The following RAI14 variants were observed in gnomAD, a reference collection of about 807,000 sequenced individuals.
The protein encoded by RAI14 is retinoic acid induced 14, also known as ankycorbin.
Under a neutral mutation model 115.4 loss-of-function variants are expected in RAI14, and 45 were observed. The ratio of observed to expected loss-of-function variants is 0.39; its 90% CI spans 0.31 to 0.50. The LOEUF (loss-of-function observed/expected upper bound fraction) is 0.50, where lower values mean the gene tolerates loss of function less well. Ranked by LOEUF, RAI14 falls within the 20% of genes least tolerant of loss-of-function variation. The pLI, the probability that RAI14 is intolerant of heterozygous loss-of-function variation, is 0.85. For synonymous variants in RAI14, 371 were observed against 415.4 expected (o/e 0.89, Z 1.30); for missense variants, 939 against 1,131.2 (o/e 0.83, Z 2.44).
intron 11 of RAI14, 98 bp downstream of exon 11, chr5:34,813,758 C>A (rs925560546): frequency 2.3e-5 from 18 of 790,518 alleles, no homozygotes; most frequent in Middle Eastern, 2.4e-4. Flanking sequence ...TTAGAACTGA[C>A]CTTTAAGTGC....
At position 34,812,116 on chromosome 5, in the gene RAI14, C is replaced by CA. The variant is rs1755674407; in HGVS notation, c.737-63dup. On this transcript the variant is annotated intron_variant, in intron 9 of 17. Transcript: ENST00000265109. The stretch of plus-strand genomic sequence containing the variant: ...TATGGTGTATGTGTGTGTATCCCCC[C>CA]ACCCAAAGTGAATATGAATCATTAT... 8 of 1,443,800 alleles carry CA rather than the reference C, an allele frequency of 5.5e-6. 1 individual carries two copies. In the South Asian group the frequency reaches 9.8e-5, roughly 18 times the overall value. 89.4% of individuals were successfully genotyped at this position (1,443,800 alleles called of 1,614,324 possible). A position where few individuals can be genotyped will look rare whatever the true frequency, so the allele number is the denominator to read the frequency against.
At chr5:34,800,859 A>C (rs955393138) in intron 4 of RAI14, among the ~76,000 whole-genome samples, 1 of 152,214 alleles carries the variant, frequency 6.6e-6, no homozygotes, top group African/African-American at 2.4e-5. Flanking sequence ...TGTTCACAGC[A>C]GGGACAAGTT....
intron 2 of RAI14, 33 bp downstream of exon 2, chr5:34,686,988 C>G (rs528927332): frequency 6.2e-7 from 1 of 1,612,164 alleles, no homozygotes; most frequent in East Asian, 2.2e-5. Flanking sequence ...TCTGGCTGTT[C>G]CTTCTTCTCC....
chr5:34,690,057 C>T (rs912378790), intron 2 of RAI14, among the ~76,000 whole-genome samples: 7 of 152,106 alleles, frequency 4.6e-5, no homozygotes, highest in Admixed American at 2.6e-4. Flanking sequence ...TTGCTGCTGC[C>T]GAACAGGGAA....
intron 5 of RAI14, among the ~76,000 whole-genome samples, chr5:34,803,991 T>C (rs573742776): frequency 6.6e-6 from 1 of 152,302 alleles, no homozygotes; most frequent in East Asian, 1.9e-4. Flanking sequence ...CTAATCAAAA[T>C]TGGAGTGTCT....
At position 34,783,220 on chromosome 5, in the gene RAI14, T is replaced by A. The variant is rs1451168565; in HGVS notation, c.168-12719T>A. Among the ~76,000 whole-genome samples the A allele has an allele frequency of 2.0e-5, 3 of 152,222 alleles. No individual in the cohort carries two copies. The East Asian group carries it at 5.8e-4, about 29-fold the overall frequency. On this transcript the variant is annotated intron_variant, in intron 3 of 17. Coordinates refer to ENST00000265109, the MANE Select transcript of RAI14 (RefSeq NM_015577.3). ...CTCATTGTGACTGGTTGTCCCGCTT[T>A]CCTCTGGTTTTCTTCTGCCATTTGT...
chr5:34,693,488 A>G (rs1738878466), intron 2 of RAI14, among the ~76,000 whole-genome samples: 1 of 152,240 alleles, frequency 6.6e-6, no homozygotes, highest in Non-Finnish European at 1.5e-5. Flanking sequence ...GTTCTCATGT[A>G]CTGAATGCTC....
intron 2 of RAI14, 133 bp downstream of exon 2, chr5:34,687,088 AG>A: frequency 1.2e-6 from 1 of 843,594 alleles, no homozygotes; most frequent in Non-Finnish European, 1.9e-6. Flanking sequence ...GCCCCAGCTC[AG>A]GGTAGCTTCT....
At position 34,762,501 on chromosome 5, in the gene RAI14, AT is replaced by A. The variant is rs372053872; in HGVS notation, c.167+4907del. ...GAAAGATGAGAATGCATGCCAGGAA[AT>A]TTTCTTCCTCTAAGACTGATCAAAG... On this transcript the variant is annotated intron_variant, in intron 3 of 17. Coordinates refer to ENST00000265109, the MANE Select transcript of RAI14 (RefSeq NM_015577.3). Among the ~76,000 whole-genome samples, 388 of 152,264 alleles carry A rather than the reference AT, an allele frequency of 2.5e-3. 1 individual carries two copies. The highest frequency in any genetic ancestry group is 8.9e-3 in the African/African-American group (371 of 41,548).
At position 34,690,322 on chromosome 5, in the gene RAI14, G is replaced by A. The variant is rs574602713; in HGVS notation, c.36+3367G>A. ...TGTGTGAGGGAAAAGGAAGAAGAAA[G>A]GATTCTTTGTATTTCTGGGGGGTAG... On this transcript the variant is annotated intron_variant, in intron 2 of 17. Coordinates refer to ENST00000265109, the MANE Select transcript of RAI14 (RefSeq NM_015577.3). 2.0e-5 allele frequency among the ~76,000 whole-genome samples: 3 copies of A among 152,220 alleles called. No individual in the cohort carries two copies. The East Asian group carries it at 5.8e-4, about 29-fold the overall frequency.
chr5:34,785,159 TCTTTA>T (rs1269073841), intron 3 of RAI14, among the ~76,000 whole-genome samples: 1 of 152,234 alleles, frequency 6.6e-6, no homozygotes, highest in Non-Finnish European at 1.5e-5. Flanking sequence ...CTCCAGTTTC[TCTTTA>T]CTTAGCGGCC....
At chr5:34,808,690 C>A in intron 7 of RAI14, 36 bp downstream of exon 7, 1 of 1,591,982 alleles carries the variant, frequency 6.3e-7, no homozygotes, top group Non-Finnish European at 8.6e-7. Context: ...CAGAGGTAGA[C>A]ATTGGTTTCT....
In RAI14 at chr5:34,824,510, C is replaced by T. The variant is rs1231309766; in HGVS notation, c.2649+19C>T. ...TAAAAAGGTTGGTGAAACTGTATTG[C>T]TGTTGGGTTTCTAGCAATAAGTCTT... On this transcript the variant is annotated intron_variant, in intron 15 of 17. Transcript: ENST00000265109. The T allele has an allele frequency of 1.3e-6, 2 of 1,528,318 alleles. No individual in the cohort carries two copies. The highest frequency in any genetic ancestry group is 4.6e-5 in the East Asian group (2 of 43,864). 94.7% of individuals were successfully genotyped at this position (1,528,318 alleles called of 1,614,324 possible).
At chr5:34,679,438 CTG>C (rs1156436415) in intron 1 of RAI14, among the ~76,000 whole-genome samples, 1 of 151,652 alleles carries the variant, frequency 6.6e-6, no homozygotes, top group Non-Finnish European at 1.5e-5. Flanking sequence ...TGGTCGTTTT[CTG>C]TCTTGAGGAG....
chr5:34,778,656 A>C (rs927556564), intron 3 of RAI14, among the ~76,000 whole-genome samples: 23 of 151,852 alleles, frequency 1.5e-4, no homozygotes, highest in Non-Finnish European at 3.4e-4. Context: ...GGTGGCTCAC[A>C]CCTGTAACCC....
rs756129455 is a variant in RAI14 at position 34,660,347 on chromosome 5, G to A, written c.-49+3872G>A. Among the ~76,000 whole-genome samples the A allele has an allele frequency of 8.5e-5, 13 of 152,170 alleles. 1 individual carries two copies. The highest frequency in any genetic ancestry group is 3.3e-4 in the Admixed American group (5 of 15,280). On this transcript the variant is annotated intron_variant, in intron 1 of 17. Coordinates refer to ENST00000265109, the MANE Select transcript of RAI14 (RefSeq NM_015577.3). ...CTCGGGAGGCTAAGGCAGATGAATCGCTTGAACCTGGGAGGTGGAGGTTGC... is the reference window on the plus strand; with the variant it reads ...CTCGGGAGGCTAAGGCAGATGAATCACTTGAACCTGGGAGGTGGAGGTTGC...
At position 34,813,564 on chromosome 5, in the gene RAI14, T is replaced by TCCA. The variant is rs1307026941; in HGVS notation, c.766-10_766-9insCCA. ...CCCACCTCCATTCTTTGGACTGTGA[T>TCCA]AACTTTCAGCATGACCAAGTCTCTA... On this transcript the variant is annotated splice_polypyrimidine_tract_variant and intron_variant, in intron 10 of 17. Transcript: ENST00000265109. 1 of 1,606,914 alleles carries TCCA rather than the reference T, an allele frequency of 6.2e-7. No homozygotes were observed. The highest frequency in any genetic ancestry group is 2.2e-5 in the East Asian group (1 of 44,788).
rs139955214 is a variant in RAI14 at position 34,785,247 on chromosome 5, C to T, written c.168-10692C>T. On this transcript the variant is annotated intron_variant, in intron 3 of 17. Coordinates refer to ENST00000265109, the MANE Select transcript of RAI14 (RefSeq NM_015577.3). ...GGTTCTGGAGGCTTAACAATGGCCACCATCAAAAATGATATCCTAAACCTT... is the reference window on the plus strand; with the variant it reads ...GGTTCTGGAGGCTTAACAATGGCCATCATCAAAAATGATATCCTAAACCTT... Among the ~76,000 whole-genome samples, 1,169 of 152,252 alleles carry T rather than the reference C, an allele frequency of 7.7e-3. 13 individuals carry two copies. Among genetic ancestry groups the T allele is most frequent in the African/African-American group, 0.027 (1,123 of 41,528 alleles).
At chr5:34,758,300 T>A (rs1393625591) in intron 3 of RAI14, among the ~76,000 whole-genome samples, 1 of 152,172 alleles carries the variant, frequency 6.6e-6, no homozygotes, top group Non-Finnish European at 1.5e-5. Context: ...ATAATGTAGG[T>A]TGGGTGCCCT....
Sources: gnomAD v4.1 joint callset for allele counts (sites outside exome capture counted in the v4.1 genomes callset) on GRCh38, gnomAD v4.1.1 for gene constraint, MANE v1.5 for transcripts, NCBI Gene and HGNC (gene_info 2026-07-23, HGNC 2026-07-21) for gene names.